JMJD1C: variants seen among roughly 807,000 people sequenced by gnomAD.
JMJD1C encodes the protein jumonji domain containing 1C.
Under a neutral mutation model 245.3 loss-of-function variants are expected in JMJD1C, and 31 were observed. That is an observed-to-expected ratio of 0.13 (90% CI 0.09 to 0.17). The LOEUF is 0.17. Among genes scored for constraint, JMJD1C ranks in the 10% least tolerant of loss-of-function variants. The pLI is 1.00. For synonymous variants in JMJD1C, 1,057 were observed against 1,017.4 expected, an observed-to-expected ratio of 1.04 and a Z score of -0.74; for missense variants, 2,691 against 3,000.2, an observed-to-expected ratio of 0.90 and a Z score of 2.41.
At chr10:63,493,702 A>C (rs1954256325) in intron 1 of JMJD1C, among the ~76,000 whole-genome samples, 1 of 152,224 alleles carries the variant, frequency 6.6e-6, no homozygotes, top group Non-Finnish European at 1.5e-5. Context: ...ACAGCACCTA[A>C]AACAGAAGCA....
At chr10:63,395,247 G>A (rs1164773387) in intron 1 of JMJD1C, among the ~76,000 whole-genome samples, 1 of 152,174 alleles carries the variant, frequency 6.6e-6, no homozygotes, top group East Asian at 1.9e-4. Flanking sequence ...GGGAGGCCAA[G>A]GCAAGCAGAT....
intron 2 of JMJD1C, among the ~76,000 whole-genome samples, chr10:63,367,746 A>T (rs901552584): frequency 6.6e-6 from 1 of 152,184 alleles, no homozygotes; most frequent in Non-Finnish European, 1.5e-5. Flanking sequence ...TCCACGAGAG[A>T]CCCATGCACA....
chr10:63,421,658 G>C (rs1950134068), intron 1 of JMJD1C, among the ~76,000 whole-genome samples: 1 of 152,150 alleles, frequency 6.6e-6, no homozygotes, highest in African/African-American at 2.4e-5. Context: ...TTTGCAGATA[G>C]GACCTTTAAG....
intron 2 of JMJD1C, among the ~76,000 whole-genome samples, chr10:63,339,943 C>A (rs149257840): frequency 6.6e-6 from 1 of 152,208 alleles, no homozygotes; most frequent in African/African-American, 2.4e-5. Context: ...CCCTGTAGTC[C>A]CAGCTACTTG....
intron 1 of JMJD1C, among the ~76,000 whole-genome samples, chr10:63,507,570 G>A (rs900063295): frequency 6.1e-5 from 9 of 147,924 alleles, no homozygotes; most frequent in Middle Eastern, 3.6e-3. Flanking sequence ...ACTTGAACCC[G>A]GAAGGTGGAG....
chr10:63,234,314 C>T (rs866255623), intron 3 of JMJD1C, among the ~76,000 whole-genome samples: 1 of 150,970 alleles, frequency 6.6e-6, no homozygotes, highest in South Asian at 2.1e-4. Flanking sequence ...GGCAACATGG[C>T]GAGACCCTGT....
intron 1 of JMJD1C, among the ~76,000 whole-genome samples, chr10:63,517,801 T>A (rs1955068974): frequency 7.0e-6 from 1 of 143,446 alleles, no homozygotes; most frequent in Non-Finnish European, 1.5e-5. Flanking sequence ...TTTTTTTTTT[T>A]TTTTTTTTTG....
intron 2 of JMJD1C, among the ~76,000 whole-genome samples, chr10:63,305,448 GACGC>G (rs1453601029): frequency 1.5e-4 from 17 of 114,924 alleles, no homozygotes; most frequent in African/African-American, 5.8e-4. Flanking sequence ...GACATGGCAA[GACGC>G]TCTGACCCTC....
At chr10:63,204,282 C>G in intron 10 of JMJD1C, 1 of 985,338 alleles carries the variant, frequency 1.0e-6, no homozygotes, top group Non-Finnish European at 1.2e-6. Context: ...AAGCTACATG[C>G]TAGTTACCAA....
intron 2 of JMJD1C, among the ~76,000 whole-genome samples, chr10:63,337,623 GAAAAAGAAAAGAAAAA>G: frequency 2.4e-5 from 1 of 41,536 alleles, no homozygotes; most frequent in East Asian, 7.5e-4. Context: ...GAAAAGAAAA[GAAAAAGAAAAGAAAAA>G]AAATCCGCTA....
chr10:63,322,487 T>C (rs1276981010), intron 2 of JMJD1C, among the ~76,000 whole-genome samples: 2 of 152,156 alleles, frequency 1.3e-5, no homozygotes, highest in African/African-American at 2.4e-5. Context: ...TAAGATAGAA[T>C]AGGGTTTAAC....
Position 63,207,494 on chromosome 10 carries a change from C to A in JMJD1C, c.4175G>T (p.Cys1392Phe), listed in dbSNP as rs1846777353. The change falls in exon 10 of 26, where the codon TGT becomes TTT. Residue 1392 changes from cysteine to phenylalanine, a missense_variant. Cys to Phe is a radical substitution (Grantham distance 205). This residue lies in a region of JMJD1C where 1,562 missense variants were observed against 1,490.7 expected (regional missense o/e 1.05). Coordinates refer to ENST00000399262, the MANE Select transcript of JMJD1C (RefSeq NM_032776.3). Reference sequence around the variant, plus strand: ...TGTGATTACATCCGTTTTGGTATTACACATCGTATTTACAGCAGACATGAC... The same window carrying A: ...TGTGATTACATCCGTTTTGGTATTAAACATCGTATTTACAGCAGACATGAC... ...SSVMSAVNTM[C>F]NTKTDVITSA... 1 of 1,614,090 alleles carries A rather than the reference C, an allele frequency of 6.2e-7. No homozygotes were observed. Among genetic ancestry groups the A allele is most frequent in the Admixed American group, 1.7e-5 (1 of 60,002 alleles).
intron 1 of JMJD1C, among the ~76,000 whole-genome samples, chr10:63,426,695 T>C (rs1361800050): frequency 2.0e-5 from 3 of 152,012 alleles, no homozygotes; most frequent in East Asian, 3.9e-4. Flanking sequence ...CCCCAACACA[T>C]ACCTTAGCCA....
intron 1 of JMJD1C, among the ~76,000 whole-genome samples, chr10:63,391,963 A>T (rs1265438211): frequency 6.6e-6 from 1 of 152,206 alleles, no homozygotes; most frequent in Admixed American, 6.5e-5. Context: ...TGTACTAACC[A>T]GGCTTTAAAC....
At chr10:63,314,470 G>A (rs959615968) in intron 2 of JMJD1C, among the ~76,000 whole-genome samples, 47 of 152,218 alleles carry the variant, frequency 3.1e-4, no homozygotes, top group African/African-American at 1.1e-3. Context: ...TGAGGTGGGA[G>A]AATCACCTGA....
chr10:63,380,105 A>AC (rs753525368), intron 2 of JMJD1C: 2 of 318,770 alleles, frequency 6.3e-6, no homozygotes, highest in African/African-American at 5.2e-5. Flanking sequence ...ACATCCAGCT[A>AC]TTTTTTTTTT....
chr10:63,282,061 T>C lies in JMJD1C; in HGVS notation c.334-17297A>G, dbSNP rs571439033. Among the ~76,000 whole-genome samples, 10 of 152,342 alleles carry C rather than the reference T, an allele frequency of 6.6e-5. No homozygotes were observed. The South Asian group carries it at 1.5e-3, about 22-fold the overall frequency. On this transcript the variant is annotated intron_variant, in intron 2 of 25. Transcript: ENST00000399262. ...CTTCCAGTTTTTCCTAATCGTTTCA[T>C]TGTTTGTCCTCTTAGAAACTTGAAT...
At chr10:63,432,869 T>C (rs774892668) in intron 1 of JMJD1C, among the ~76,000 whole-genome samples, 8 of 152,144 alleles carry the variant, frequency 5.3e-5, no homozygotes, top group Admixed American at 1.3e-4. Flanking sequence ...AAGATGATGA[T>C]CACAATGCTA....
At chr10:63,234,750 T>C (rs1056533161) in intron 3 of JMJD1C, among the ~76,000 whole-genome samples, 6 of 145,854 alleles carry the variant, frequency 4.1e-5, no homozygotes, top group Non-Finnish European at 9.1e-5. Context: ...CTAGGAAACA[T>C]AGTGAGACCC....
Sources: allele counts gnomAD v4.1 joint callset (sites outside exome capture counted in the v4.1 genomes callset), GRCh38; gene constraint gnomAD v4.1.1; regional missense constraint gnomAD v4.1.1; transcripts MANE v1.5; gene names NCBI Gene and HGNC (gene_info 2026-07-23, HGNC 2026-07-21).